Variants in MTBP observed in about 807,000 individuals in gnomAD.
MTBP encodes mdm2-binding protein.
Under a neutral mutation model 117.0 loss-of-function variants are expected in MTBP, and 101 were observed. That is an observed-to-expected ratio of 0.86 (90% CI 0.73 to 1.02). MTBP has a LOEUF of 1.02. Among genes scored for constraint, MTBP ranks in the 50% least tolerant of loss-of-function variants. The pLI, the probability that MTBP is intolerant of heterozygous loss-of-function variation, is 0.00. For missense variants in MTBP, 970 were observed against 1,030.9 expected (o/e 0.94, Z 0.81); for synonymous variants, 350 against 351.5 (o/e 1.00, Z 0.05).
intron 10 of MTBP, among the ~76,000 whole-genome samples, chr8:120,470,419 A>G (rs1813793672): frequency 6.6e-6 from 1 of 152,234 alleles, no homozygotes; most frequent in African/African-American, 2.4e-5. Context: ...CATCTAGTCA[A>G]GAAGTTATAA....
At chr8:120,493,010 G>A (rs1290789734) in intron 13 of MTBP, among the ~76,000 whole-genome samples, 2 of 152,142 alleles carry the variant, frequency 1.3e-5, no homozygotes, top group African/African-American at 4.8e-5. Context: ...AGATAAGTAT[G>A]AAAACAGCAG....
chr8:120,463,525 G>T (rs1270192393), intron 9 of MTBP, among the ~76,000 whole-genome samples, 167 bp from the exon 10 acceptor site: 2 of 152,026 alleles, frequency 1.3e-5, no homozygotes, highest in Non-Finnish European at 2.9e-5. Flanking sequence ...CAAATAATTG[G>T]AAAAATACTT....
At chr8:120,463,819 G>A in intron 10 of MTBP, 58 bp downstream of exon 10, 1 of 1,479,880 alleles carries the variant, frequency 6.8e-7, no homozygotes, top group East Asian at 2.3e-5. Context: ...GCCATTTAAG[G>A]ATGTGTAAGA....
intron 14 of MTBP, among the ~76,000 whole-genome samples, chr8:120,497,810 C>A (rs1814501182): frequency 6.6e-6 from 1 of 152,116 alleles, no homozygotes; most frequent in Admixed American, 6.5e-5. Context: ...GAGGAAGAAG[C>A]ACTTTAAGAT....
intron 11 of MTBP, among the ~76,000 whole-genome samples, chr8:120,476,246 G>C (rs771484233): frequency 3.9e-5 from 6 of 152,042 alleles, no homozygotes; most frequent in Non-Finnish European, 7.4e-5. Context: ...GGTATTGATG[G>C]AACATATCTC....
At chr8:120,497,264 C>A in intron 13 of MTBP, 129 bp from the exon 14 acceptor site, 1 of 804,560 alleles carries the variant, frequency 1.2e-6, no homozygotes, top group Non-Finnish European at 1.9e-6. Flanking sequence ...GCCTACAATC[C>A]TGAAAACAGG....
intron 11 of MTBP, among the ~76,000 whole-genome samples, chr8:120,477,021 C>G (rs186608573): frequency 1.3e-5 from 2 of 152,124 alleles, no homozygotes; most frequent in African/African-American, 4.8e-5. Context: ...ACTACAGTAA[C>G]CAAAACAGCA....
chr8:120,451,681 G>C (rs916449588), intron 4 of MTBP: 1 of 175,802 alleles, frequency 5.7e-6, no homozygotes, highest in Admixed American at 5.9e-5. Context: ...CTGGGCTCAA[G>C]CGATCCTCCG....
In MTBP at chr8:120,517,875, GTC is replaced by G; in HGVS notation, c.2275_2276del (p.Leu759SerfsTer7). ...KRLVKSESSE[S>X]LLSQTTGNSN... Reference sequence around the variant, plus strand: ...GACTTGTGAAATCTGAAAGTTCAGAGTCTCTTCTTTCTCAGACAACTGGTAAT... The same window carrying G: ...GACTTGTGAAATCTGAAAGTTCAGAGTCTTCTTTCTCAGACAACTGGTAAT... On this transcript the variant is annotated frameshift_variant, in exon 19 of 22. Coordinates refer to ENST00000305949, the MANE Select transcript of MTBP (RefSeq NM_022045.5). LOFTEE classifies it high-confidence loss of function. 1 of 1,611,198 alleles carries G rather than the reference GTC, an allele frequency of 6.2e-7. No homozygotes were observed. Among genetic ancestry groups the G allele is most frequent in the Non-Finnish European group, 8.5e-7 (1 of 1,178,046 alleles).
At chr8:120,446,836 T>G (rs969368668) in intron 2 of MTBP, among the ~76,000 whole-genome samples, 1 of 152,164 alleles carries the variant, frequency 6.6e-6, no homozygotes, top group Non-Finnish European at 1.5e-5. Context: ...AGTAAAAATA[T>G]GTAAAGCTCC....
chr8:120,462,700 T>C (rs1813605923), intron 9 of MTBP, among the ~76,000 whole-genome samples: 1 of 152,144 alleles, frequency 6.6e-6, no homozygotes, highest in African/African-American at 2.4e-5. Flanking sequence ...TTATCTTATA[T>C]TAGATTCTTG....
intron 15 of MTBP, 37 bp downstream of exon 15, chr8:120,502,646 C>T: frequency 1.6e-6 from 2 of 1,226,200 alleles, no homozygotes; most frequent in Non-Finnish European, 1.2e-6. Context: ...TGTGATAGCT[C>T]AGTAATTTGA....
At chr8:120,472,233 CAG>C (rs957302665) in intron 11 of MTBP, 10 of 152,088 alleles carry the variant, frequency 6.6e-5, no homozygotes, top group African/African-American at 2.4e-4. Context: ...GTATAAGAAA[CAG>C]GAGAGATACT....
chr8:120,453,944 T>C (rs1432660190), intron 5 of MTBP, 39 bp downstream of exon 5: 1 of 1,165,538 alleles, frequency 8.6e-7, no homozygotes, highest in Admixed American at 2.0e-5. Flanking sequence ...TTGTATCTTA[T>C]CTTATTACAC....
In MTBP at chr8:120,522,648, GT is replaced by G; in HGVS notation, c.2611-3del. On this transcript the variant is annotated splice_polypyrimidine_tract_variant and splice_region_variant and intron_variant, in intron 20 of 21. Coordinates refer to ENST00000305949, the MANE Select transcript of MTBP (RefSeq NM_022045.5). ...ATTGTAAAATGCTGTATTTTATTAT[GT>G]TTAGGATCTTAAAACTTCAAGGGGT... 6.4e-7 allele frequency: 1 copy of G among 1,573,144 alleles called. No individual in the cohort carries two copies. The highest frequency in any genetic ancestry group is 2.2e-5 in the East Asian group (1 of 44,478).
chr8:120,490,335 G>A (rs1814317116), intron 12 of MTBP, 128 bp from the exon 13 acceptor site: 4 of 616,986 alleles, frequency 6.5e-6, no homozygotes, highest in Admixed American at 3.4e-5. Flanking sequence ...ATGTAAGGTC[G>A]AGAGAGGTGA....
Position 120,506,866 on chromosome 8 carries a change from G to T in MTBP, c.1883+5G>T, listed in dbSNP as rs1351673483. 2 of 1,569,762 alleles carry T rather than the reference G, an allele frequency of 1.3e-6. No individual in the cohort carries two copies. ...ACCTTTACCGATTCAAAAGGGGTAG[G>T]TTATAAACTTATAATTTCCAGTTAA... is the stretch of plus-strand genomic sequence containing the variant. On this transcript the variant is annotated splice_donor_5th_base_variant and intron_variant, in intron 16 of 21. Transcript: ENST00000305949.
chr8:120,459,429 A>G (rs1813539824), intron 8 of MTBP, 80 bp downstream of exon 8: 2 of 1,368,322 alleles, frequency 1.5e-6, no homozygotes. Context: ...TTGACTTAAT[A>G]TTACTAATAT....
intron 9 of MTBP, among the ~76,000 whole-genome samples, chr8:120,462,931 T>G (rs917975766): frequency 4.6e-5 from 7 of 152,156 alleles, no homozygotes; most frequent in Admixed American, 3.9e-4. Flanking sequence ...CTGTAAACTG[T>G]TTTCATGGTA....
Sources: allele counts gnomAD v4.1 joint callset (sites outside exome capture counted in the v4.1 genomes callset), GRCh38; gene constraint gnomAD v4.1.1; transcripts MANE v1.5; gene names NCBI Gene and HGNC (gene_info 2026-07-23, HGNC 2026-07-21).